The following TLE7 variants were observed in gnomAD, a reference collection of about 807,000 sequenced individuals.
TLE7 encodes TLE family member 7.
intron 9 of TLE7, 69 bp downstream of exon 9, chr16:71,430,599 C>G (rs1163141465): frequency 5.0e-6 from 2 of 398,006 alleles, no homozygotes; most frequent in Non-Finnish European, 8.8e-6. Flanking sequence ...CCACTGGAAT[C>G]CAACCAACTG....
chr16:71,431,920 G>T lies in TLE7; in HGVS notation c.692C>A (p.Thr231Asn), dbSNP rs1016814637. 1.5e-5 allele frequency: 6 copies of T among 400,678 alleles called. No homozygotes were observed. The Admixed American group carries it at 1.8e-4, about 12-fold the overall frequency. The allele number at this position is 400,678 out of a possible 1,614,324, so 24.8% of individuals were successfully genotyped here. ...GGGGGTGGGTGCCAAGTCCCAGAGA[G>T]TCACGGCCTGGGACGCACCCCCTGT... ...LITGGASQAV[T>N]LWDLAPTPQV... The change falls in exon 6 of 10, where the codon ACT (threonine) becomes AAT (asparagine). Residue 231 changes from threonine to asparagine, a missense_variant. Transcript: ENST00000561754. The surrounding 1 kb of genome is among the most constrained non-coding windows in gnomAD (Gnocchi z 4.5).
intron 1 of TLE7, among the ~76,000 whole-genome samples, chr16:71,439,489 G>C (rs553822270): frequency 2.0e-5 from 3 of 152,120 alleles, no homozygotes; most frequent in Admixed American, 2.0e-4. Flanking sequence ...GCATTTGGGG[G>C]TGGTTCTGAG....
In TLE7 at chr16:71,431,873, A is replaced by G; in HGVS notation, c.739T>C (p.Ser247Pro). Reference sequence around the variant, plus strand: ...AGAGAATAGCACGTGGGGCCCGTCGAGGTCAGCTGTGCCCTGACCTGGGGG... The same window carrying G: ...AGAGAATAGCACGTGGGGCCCGTCGGGGTCAGCTGTGCCCTGACCTGGGGG... ...PTPQVRAQLT[S>P]TGPTCYSLAV... is the part of the protein sequence containing the mutation. The change falls in exon 6 of 10, where the codon TCG becomes CCG. Residue 247 changes from serine to proline, a missense_variant. Transcript: ENST00000561754. The surrounding 1 kb of genome is among the most constrained non-coding windows in gnomAD (Gnocchi z 4.5). The G allele has an allele frequency of 2.5e-6, 1 of 400,726 alleles. No homozygotes were observed. 24.8% of individuals were successfully genotyped at this position (400,726 alleles called of 1,614,324 possible).
chr16:71,440,188 G>C (rs558548648), intron 1 of TLE7, among the ~76,000 whole-genome samples: 1 of 152,224 alleles, frequency 6.6e-6, no homozygotes. Flanking sequence ...TGGTTGCCAG[G>C]GACTGGCAAA....
intron 1 of TLE7, among the ~76,000 whole-genome samples, chr16:71,438,340 A>G (rs569213430): frequency 6.6e-6 from 1 of 151,022 alleles, no homozygotes; most frequent in South Asian, 2.1e-4. Flanking sequence ...GAGGCAGGAG[A>G]ATCACCTGAG....
intron 1 of TLE7, among the ~76,000 whole-genome samples, chr16:71,436,516 G>A (rs2042826665): frequency 6.6e-6 from 1 of 152,224 alleles, no homozygotes; most frequent in Non-Finnish European, 1.5e-5. Flanking sequence ...CATGGTAGGA[G>A]TTAAGATAGA....
At chr16:71,437,059 CA>C (rs35422560) in intron 1 of TLE7, among the ~76,000 whole-genome samples, 22,835 of 151,952 alleles carry the variant, frequency 0.15, 1,926 homozygotes, top group Middle Eastern at 0.23. Flanking sequence ...ACTAAACATA[CA>C]AAAATTAACT....
intron 1 of TLE7, among the ~76,000 whole-genome samples, chr16:71,438,629 C>G (rs576860058): frequency 2.7e-4 from 37 of 138,530 alleles, no homozygotes; most frequent in African/African-American, 1.1e-3. Flanking sequence ...TTGCCGTGAG[C>G]CAAGATCGCA....
At chr16:71,436,961 C>T (rs1193700544) in intron 1 of TLE7, among the ~76,000 whole-genome samples, 2 of 152,218 alleles carry the variant, frequency 1.3e-5, no homozygotes, top group African/African-American at 2.4e-5. Flanking sequence ...GTGGCTCACA[C>T]CTGTAATCCC....
chr16:71,432,102 T>G lies in TLE7; in HGVS notation c.609+8A>C. The G allele has an allele frequency of 7.5e-6, 3 of 401,162 alleles. No individual in the cohort carries two copies. Among genetic ancestry groups the G allele is most frequent in the Non-Finnish European group, 1.3e-5 (3 of 226,558 alleles). The allele number at this position is 401,162 out of a possible 1,614,324, so 24.9% of individuals were successfully genotyped here. On this transcript the variant is annotated splice_region_variant and intron_variant, in intron 5 of 9. Coordinates refer to ENST00000561754, the MANE Select transcript of TLE7 (RefSeq NM_001367365.2). ...AGTTCCCTGAGTCCTGCTTTGGATC[T>G]CCCTCACCTGCAAGTCCAGCTGGGC... is the stretch of plus-strand genomic sequence containing the variant.
rs2042811783 is a variant in TLE7, at chr16:71,432,711, G to C, written c.347C>G (p.Ser116Cys). The part of the protein sequence containing the change: ...LLGSEVGQPY[S>C]SSSPSEEVLS... ...GACTTCTTCACTGGGAGAGGAAGAA[G>C]AGTAAGGCTGGCCTGCAGGGAAAGA... Residue 116 changes from serine (S) to cysteine (C), a missense_variant, in exon 4 of 10, where the codon TCT becomes TGT. Physicochemically the swap from Ser to Cys is moderately radical, Grantham distance 112. Coordinates refer to ENST00000561754, the MANE Select transcript of TLE7 (RefSeq NM_001367365.2). 2.5e-6 allele frequency: 1 copy of C among 398,770 alleles called. No individual in the cohort carries two copies. Among genetic ancestry groups the C allele is most frequent in the East Asian group, 3.6e-5 (1 of 28,068 alleles). The allele number at this position is 398,770 out of a possible 1,614,324, so 24.7% of individuals were successfully genotyped here.
intron 1 of TLE7, among the ~76,000 whole-genome samples, chr16:71,436,078 C>A (rs951856833): frequency 5.3e-5 from 8 of 152,188 alleles, no homozygotes; most frequent in African/African-American, 1.9e-4. Flanking sequence ...GCTCCCCACC[C>A]TCTTACCAGA....
intron 1 of TLE7, among the ~76,000 whole-genome samples, chr16:71,439,731 T>C (rs1386713110): frequency 1.3e-5 from 2 of 152,132 alleles, no homozygotes; most frequent in African/African-American, 4.8e-5. Flanking sequence ...TAACAAATGT[T>C]GGTGAGAATG....
chr16:71,430,767 G>T lies in TLE7; in HGVS notation c.1148-26C>A, dbSNP rs746664624. ...CTGGTGAAGGAACGAACAGGTGAGA[G>T]GCCAGAGACCAATCCTGCATTCTAG... is the stretch of plus-strand genomic sequence containing the variant. On this transcript the variant is annotated intron_variant, in intron 8 of 9. Coordinates refer to ENST00000561754, the MANE Select transcript of TLE7 (RefSeq NM_001367365.2). 3 of 398,350 alleles carry T rather than the reference G, an allele frequency of 7.5e-6. No homozygotes were observed. The Admixed American group carries it at 1.3e-4, about 18-fold the overall frequency. The allele number at this position is 398,350 out of a possible 1,614,324, so 24.7% of individuals were successfully genotyped here.
intron 1 of TLE7, among the ~76,000 whole-genome samples, chr16:71,441,668 G>C (rs1381854359): frequency 6.6e-6 from 1 of 152,194 alleles, no homozygotes; most frequent in Non-Finnish European, 1.5e-5. Flanking sequence ...AGGACTCCTC[G>C]TGGCTTCTCC....
At chr16:71,440,905 G>A (rs2042844679) in intron 1 of TLE7, among the ~76,000 whole-genome samples, 1 of 152,172 alleles carries the variant, frequency 6.6e-6, no homozygotes, top group East Asian at 1.9e-4. Context: ...CACTGTCACG[G>A]GGAGCCCCAA....
At chr16:71,432,561 C>T (rs189812347) in intron 4 of TLE7, 104 bp downstream of exon 4, 5 of 398,366 alleles carry the variant, frequency 1.3e-5, no homozygotes, top group South Asian at 1.3e-4. Context: ...GAGCCCAGGA[C>T]ACCCCCCTAC....
In TLE7 at chr16:71,433,160, G is replaced by A. The variant is rs574488675; in HGVS notation, c.165C>T (p.Gly55=). 195 of 398,596 alleles carry A rather than the reference G, an allele frequency of 4.9e-4. 1 individual carries two copies. Among genetic ancestry groups the A allele is most frequent in the Non-Finnish European group, 8.8e-5 (20 of 226,158 alleles). 24.7% of individuals were successfully genotyped at this position (398,596 alleles called of 1,614,324 possible). A position where few individuals can be genotyped will look rare whatever the true frequency, so the allele number is the denominator to read the frequency against. The part of the protein sequence containing the change: ...SLLGVPWQPP[G]PPIQHSPADQ... ...CAGCAGGGCTGTGCTGTATTGGGGGGCCCGGGGGCTGCCAGGGCACTCCCA... is the reference window on the plus strand; with the variant it reads ...CAGCAGGGCTGTGCTGTATTGGGGGACCCGGGGGCTGCCAGGGCACTCCCA... Residue 55 remains glycine, a synonymous_variant, in exon 2 of 10, where the codon GGC becomes GGT. Transcript: ENST00000561754.
In TLE7 at chr16:71,442,035, G is replaced by C. The variant is rs957037934; in HGVS notation, c.-163C>G. ...GGAGGCTTGGTGCCGCAGGGCAGTCGGGAAGGCTTCCTGGAGGCTGGGCTT... is the reference window on the plus strand; with the variant it reads ...GGAGGCTTGGTGCCGCAGGGCAGTCCGGAAGGCTTCCTGGAGGCTGGGCTT... On this transcript the variant is annotated 5_prime_UTR_variant, in exon 1 of 10. Coordinates refer to ENST00000561754, the MANE Select transcript of TLE7 (RefSeq NM_001367365.2). The C allele has an allele frequency of 1.3e-5, 2 of 152,514 alleles. No homozygotes were observed. Among genetic ancestry groups the C allele is most frequent in the Non-Finnish European group, 2.9e-5 (2 of 68,296 alleles). The allele number at this position is 152,514 out of a possible 1,614,324, so 9.4% of individuals were successfully genotyped here. A position where few individuals can be genotyped will look rare whatever the true frequency, so the allele number is the denominator to read the frequency against.
Sources: gnomAD v4.1 joint callset for allele counts (sites outside exome capture counted in the v4.1 genomes callset) on GRCh38, gnomAD v4.1.1 for gene constraint, Gnocchi (gnomAD v3.1) non-coding constraint, MANE v1.5 for transcripts, NCBI Gene and HGNC (gene_info 2026-07-23, HGNC 2026-07-21) for gene names.